Variants in SUMF1 observed in about 807,000 individuals in gnomAD.
The protein encoded by SUMF1 is sulfatase modifying factor 1.
In SUMF1, 48 loss-of-function variants were observed where a neutral mutation model predicts 47.6. The ratio of observed to expected loss-of-function variants is 1.01; its 90% CI spans 0.80 to 1.28. SUMF1 has a LOEUF of 1.28. Ranked by LOEUF, SUMF1 falls within the 50% of genes most tolerant of loss-of-function variation. The probability of loss-of-function intolerance (pLI) is 0.00; values close to 1 mark genes in which losing one functional copy is unlikely to be tolerated. For missense variants in SUMF1, 571 were observed against 485.4 expected (o/e 1.18, Z -1.66); for synonymous variants, 230 against 192.1 (o/e 1.20, Z -1.63).
rs763890592 is a variant in SUMF1 at position 4,376,388 on chromosome 3, T to C, written c.956A>G (p.Lys319Arg). ...HHSVEETLNP[K>R]GPPSGKDRVK... ...TCGGTCTTTCCCAGAAGGGGGACCT[T>C]TCTACAGATGAAGAAAAAAGGCTAT... The change falls in exon 8 of 9, where the codon AAA becomes AGA. Residue 319 changes from lysine to arginine, a missense_variant and splice_region_variant. Lys to Arg is a conservative substitution (Grantham distance 26). Transcript: ENST00000272902. 3.7e-6 allele frequency: 6 copies of C among 1,614,148 alleles called. No individual in the cohort carries two copies. In the South Asian group the frequency reaches 6.6e-5, roughly 18 times the overall value.
intron 8 of SUMF1, among the ~76,000 whole-genome samples, chr3:4,234,697 T>G (rs976906054): frequency 1.3e-5 from 2 of 152,214 alleles, no homozygotes; most frequent in Admixed American, 1.3e-4. Flanking sequence ...AAGGAAGTAT[T>G]TGGGGAGAAG....
chr3:4,187,955 C>A (rs1461312594), intron 8 of SUMF1, among the ~76,000 whole-genome samples: 2 of 152,140 alleles, frequency 1.3e-5, no homozygotes. Context: ...TTTGACCCCT[C>A]ATGATAAAAC....
At chr3:4,223,758 A>C (rs1339129664) in intron 8 of SUMF1, among the ~76,000 whole-genome samples, 1 of 152,102 alleles carries the variant, frequency 6.6e-6, no homozygotes, top group African/African-American at 2.4e-5. Flanking sequence ...GGTGGTGGTA[A>C]TGTTTAAAGG....
At chr3:4,358,249 G>A (rs1222865372), downstream of SUMF1, among the ~76,000 whole-genome samples, 2 of 152,016 alleles carry the variant, frequency 1.3e-5, no homozygotes, top group African/African-American at 4.8e-5. Context: ...AATAAAGACC[G>A]TCCAGGATTC....
chr3:4,131,771 G>T (rs969043580), intron 8 of SUMF1, among the ~76,000 whole-genome samples: 1 of 152,104 alleles, frequency 6.6e-6, no homozygotes, highest in South Asian at 2.1e-4. Context: ...CTCATCAATG[G>T]GTGACCTCAG....
In SUMF1 at chr3:4,362,234, G is replaced by A. The variant is rs777799002; in HGVS notation, c.1035C>T (p.Arg345=). 1.1e-5 allele frequency: 18 copies of A among 1,614,180 alleles called. 1 individual carries two copies. In the South Asian group the frequency reaches 2.0e-4, roughly 18 times the overall value. The change falls in exon 9 of 9, where the codon CGC becomes CGT. Residue 345 remains arginine (R), a synonymous_variant. Coordinates refer to ENST00000272902, the MANE Select transcript of SUMF1 (RefSeq NM_182760.4). ...MCHRSYCYRY[R]CAARSQNTPD... is the part of the protein sequence containing the mutation. The stretch of plus-strand genomic sequence containing the variant: ...GTGTGTTCTGGCTCCGAGCAGCACA[G>A]CGATACCTGTAACAATAAGACTGTG...
Position 4,073,115 on chromosome 3 carries a change from C to A in SUMF1, c.1015-4370G>T, listed in dbSNP as rs529174780. Among the ~76,000 whole-genome samples the A allele has an allele frequency of 1.1e-4, 16 of 152,304 alleles. No homozygotes were observed. In the East Asian group the frequency reaches 2.1e-3, roughly 20 times the overall value. ...GTTGGGTTACCCACAAAGGGCAGCCCATCAGACTAACAGCGGATCTCTCTG... is the reference window on the plus strand; with the variant it reads ...GTTGGGTTACCCACAAAGGGCAGCCAATCAGACTAACAGCGGATCTCTCTG... On this transcript the variant is annotated intron_variant and NMD_transcript_variant, in intron 8 of 12. Transcript: ENST00000448413.
At chr3:4,069,662 C>G (rs1182502280) in intron 8 of SUMF1, among the ~76,000 whole-genome samples, 4 of 152,066 alleles carry the variant, frequency 2.6e-5, no homozygotes, top group Admixed American at 2.6e-4. Context: ...GATTTTTTAT[C>G]TGGCCCAAAT....
chr3:4,191,049 C>G (rs1180188529), intron 8 of SUMF1, among the ~76,000 whole-genome samples: 3 of 152,132 alleles, frequency 2.0e-5, no homozygotes, highest in Non-Finnish European at 4.4e-5. Context: ...TGGGAGGGTG[C>G]TATCATGGAT....
chr3:4,230,073 T>C (rs6799533), intron 8 of SUMF1, among the ~76,000 whole-genome samples: 1 of 151,846 alleles, frequency 6.6e-6, no homozygotes, highest in Admixed American at 6.6e-5. Flanking sequence ...CGATAGTTTT[T>C]TTTTTTTAGA....
chr3:4,127,223 A>C (rs1693674778), intron 8 of SUMF1, among the ~76,000 whole-genome samples: 1 of 152,196 alleles, frequency 6.6e-6, no homozygotes, highest in Non-Finnish European at 1.5e-5. Flanking sequence ...GCTAAAAACC[A>C]AACCCAGGAT....
At position 4,201,234 on chromosome 3, in the gene SUMF1, A is replaced by C. The variant is rs779663795; in HGVS notation, c.1015-132489T>G. ...TGCTATCAAATACTAGATCTTATTT[A>C]TTCTATATAACTATATTTTTGTACT... is the stretch of plus-strand genomic sequence containing the variant. On this transcript the variant is annotated intron_variant and NMD_transcript_variant, in intron 8 of 12. Coordinates refer to the SUMF1 transcript ENST00000448413. Among the ~76,000 whole-genome samples, 72 of 152,136 alleles carry C rather than the reference A, an allele frequency of 4.7e-4. 1 individual carries two copies. The highest frequency in any genetic ancestry group is 9.1e-4 in the Non-Finnish European group (62 of 67,960).
intron 8 of SUMF1, among the ~76,000 whole-genome samples, chr3:4,143,119 G>A (rs1332732058): frequency 6.6e-6 from 1 of 152,110 alleles, no homozygotes; most frequent in African/African-American, 2.4e-5. Context: ...AAGAATGTTT[G>A]CCTCGGGAGT....
chr3:4,232,476 CAT>C (rs1390988869), intron 8 of SUMF1, among the ~76,000 whole-genome samples: 23 of 151,972 alleles, frequency 1.5e-4, no homozygotes, highest in African/African-American at 5.6e-4. Flanking sequence ...CTTCAGATTC[CAT>C]AGAGAGACAA....
intron 8 of SUMF1, among the ~76,000 whole-genome samples, chr3:4,372,442 T>G (rs1700198395): frequency 1.3e-5 from 2 of 152,222 alleles, no homozygotes; most frequent in South Asian, 4.1e-4. Context: ...TTTTATTGAT[T>G]TTCACCTATG....
rs534579097 is a variant in SUMF1, at chr3:4,244,264, G to T, written c.1014+132066C>A. Among the ~76,000 whole-genome samples the T allele has an allele frequency of 3.9e-5, 6 of 152,282 alleles. No homozygotes were observed. The South Asian group carries it at 8.3e-4, about 21-fold the overall frequency. On this transcript the variant is annotated intron_variant and NMD_transcript_variant, in intron 8 of 12. Coordinates refer to the SUMF1 transcript ENST00000448413. ...GGCATTTAGCCCATTTACATTAAAG[G>T]TTAATATTGTTATGTGTGAATTTGA...
At chr3:4,457,468 T>C (rs1259117990) in intron 1 of SUMF1, among the ~76,000 whole-genome samples, 1 of 151,826 alleles carries the variant, frequency 6.6e-6, no homozygotes, top group Non-Finnish European at 1.5e-5. Context: ...AGAACAAAGG[T>C]GGAGTACCAC....
At chr3:4,285,544 C>G (rs1247732833) in intron 8 of SUMF1, among the ~76,000 whole-genome samples, 1 of 152,152 alleles carries the variant, frequency 6.6e-6, no homozygotes. Flanking sequence ...AGATTAATCT[C>G]TCTACATGAA....
At chr3:4,369,961 C>T (rs1332769725) in intron 8 of SUMF1, among the ~76,000 whole-genome samples, 1 of 152,078 alleles carries the variant, frequency 6.6e-6, no homozygotes, top group Non-Finnish European at 1.5e-5. Flanking sequence ...TTAGGTATGA[C>T]GGATACAATC....
Sources: allele counts gnomAD v4.1 joint callset (sites outside exome capture counted in the v4.1 genomes callset), GRCh38; gene constraint gnomAD v4.1.1; transcripts MANE v1.5; gene names NCBI Gene and HGNC (gene_info 2026-07-23, HGNC 2026-07-21).